KSR1: variants seen among roughly 807,000 people sequenced by gnomAD.
KSR1 encodes kinase suppressor of ras 1.
KSR1 carries 35 observed loss-of-function variants against 92.9 expected under a neutral mutation model. The ratio of observed to expected loss-of-function variants is 0.38; its 90% CI spans 0.29 to 0.50. KSR1 has a LOEUF of 0.50. Ranked by LOEUF, KSR1 falls within the 20% of genes least tolerant of loss-of-function variation. KSR1 has a pLI of 0.94. For synonymous variants in KSR1, 467 were observed against 472.6 expected, an observed-to-expected ratio of 0.99 and a Z score of 0.15; for missense variants, 972 against 1,158.5, an observed-to-expected ratio of 0.84 and a Z score of 2.34.
At chr17:27,542,476 C>T (rs1053438505) in intron 1 of KSR1, among the ~76,000 whole-genome samples, 5 of 152,114 alleles carry the variant, frequency 3.3e-5, no homozygotes, top group Admixed American at 6.6e-5. Context: ...AGGGTGACAA[C>T]CTATAATAGG....
intron 6 of KSR1, among the ~76,000 whole-genome samples, chr17:27,590,432 A>T (rs922262651): frequency 6.6e-6 from 1 of 152,210 alleles, no homozygotes; most frequent in Non-Finnish European, 1.5e-5. Context: ...TGCTGCTAAC[A>T]TGCTGCAGGC....
chr17:27,526,425 A>G, intron 1 of KSR1: 1 of 1,547,100 alleles, frequency 6.5e-7, no homozygotes, highest in Non-Finnish European at 8.8e-7. Context: ...ATGAGGAAGC[A>G]GGCCATTCCT....
At chr17:27,477,587 A>G (rs1354885459) in intron 1 of KSR1, among the ~76,000 whole-genome samples, 3 of 152,148 alleles carry the variant, frequency 2.0e-5, no homozygotes, top group Non-Finnish European at 4.4e-5. Context: ...ATCTGTCTAC[A>G]TAGGGAAAAC....
intron 2 of KSR1, among the ~76,000 whole-genome samples, chr17:27,561,091 T>C (rs1325777175): frequency 6.6e-6 from 1 of 152,070 alleles, no homozygotes; most frequent in African/African-American, 2.4e-5. Context: ...AGGCCAGCAT[T>C]GTATAGATGT....
chr17:27,582,577 C>G, intron 3 of KSR1, 69 bp from the exon 4 acceptor site: 5 of 1,404,998 alleles, frequency 3.6e-6, no homozygotes, highest in Non-Finnish European at 4.9e-6. Flanking sequence ...ACATCTCTGG[C>G]CCCTAGCCAT....
chr17:27,493,764 AGGAAATAAT>A (rs1242119079), intron 1 of KSR1, among the ~76,000 whole-genome samples: 6 of 152,168 alleles, frequency 3.9e-5, no homozygotes, highest in Admixed American at 3.9e-4. Context: ...GGCACTGAAA[AGGAAATAAT>A]GGGGTCGTGA....
chr17:27,469,659 C>T (rs1830948380), intron 1 of KSR1, among the ~76,000 whole-genome samples: 1 of 152,182 alleles, frequency 6.6e-6, no homozygotes, highest in South Asian at 2.1e-4. Flanking sequence ...GAGTGCTGGA[C>T]AGTGCCTGGT....
At chr17:27,576,652 G>C (rs1037452783) in intron 2 of KSR1, among the ~76,000 whole-genome samples, 1 of 152,184 alleles carries the variant, frequency 6.6e-6, no homozygotes, top group Non-Finnish European at 1.5e-5. Flanking sequence ...GACAATTCAC[G>C]TCTCCGGTGG....
chr17:27,623,802 G>A lies in KSR1; in HGVS notation c.*410G>A, dbSNP rs767311302. ...CAGAAGGAAGACAAACATGGTAATT[G>A]CAGCTGTTCTTGGGGTAGGGCGGGG... On this transcript the variant is annotated 3_prime_UTR_variant, in exon 21 of 21. Transcript: ENST00000644974. 1.9e-6 allele frequency: 1 copy of A among 540,192 alleles called. No individual in the cohort carries two copies. Among genetic ancestry groups the A allele is most frequent in the Non-Finnish European group, 3.2e-6 (1 of 313,002 alleles). 33.5% of individuals were successfully genotyped at this position (540,192 alleles called of 1,614,324 possible).
intron 4 of KSR1, among the ~76,000 whole-genome samples, chr17:27,585,070 G>A (rs912933007): frequency 2.0e-5 from 3 of 152,190 alleles, no homozygotes; most frequent in Non-Finnish European, 4.4e-5. Flanking sequence ...CCGAGTAGCT[G>A]GGATTACAGG....
chr17:27,507,519 T>C (rs1164857477), intron 1 of KSR1, among the ~76,000 whole-genome samples: 2 of 151,656 alleles, frequency 1.3e-5, no homozygotes, highest in African/African-American at 4.8e-5. Flanking sequence ...ATTTTGGGTA[T>C]GTTTGATTAA....
At chr17:27,542,755 G>A (rs1346466346) in intron 1 of KSR1, among the ~76,000 whole-genome samples, 1 of 152,214 alleles carries the variant, frequency 6.6e-6, no homozygotes, top group Non-Finnish European at 1.5e-5. Context: ...GTTCTATTTA[G>A]TGAGCACTTT....
At chr17:27,526,621 C>G (rs1193195934) in intron 1 of KSR1, 6 of 1,570,444 alleles carry the variant, frequency 3.8e-6, no homozygotes, top group Non-Finnish European at 5.3e-6. Flanking sequence ...ATGTTCAGTC[C>G]TCGTGCATCT....
At chr17:27,560,198 C>T (rs574115542) in intron 2 of KSR1, 5 of 326,826 alleles carry the variant, frequency 1.5e-5, no homozygotes, top group African/African-American at 4.4e-5. Context: ...CCACAAGTTA[C>T]GTCTAAAAGT....
rs892933813 is a variant in KSR1, at chr17:27,623,886, T to C, written c.*494T>C. ...GGCCCAAGACTCCATCAGGGAAATC[T>C]ATCTAGGGCTCTCCCCTTGTCCTTT... On this transcript the variant is annotated 3_prime_UTR_variant, in exon 21 of 21. Coordinates refer to ENST00000644974, the MANE Select transcript of KSR1 (RefSeq NM_001394583.1). 4 of 431,068 alleles carry C rather than the reference T, an allele frequency of 9.3e-6. No individual in the cohort carries two copies. The highest frequency in any genetic ancestry group is 8.3e-5 in the African/African-American group (4 of 48,342). The allele number at this position is 431,068 out of a possible 1,614,324, so 26.7% of individuals were successfully genotyped here. A position where few individuals can be genotyped will look rare whatever the true frequency, so the allele number is the denominator to read the frequency against.
chr17:27,569,549 C>T (rs1448035004), intron 2 of KSR1, among the ~76,000 whole-genome samples: 1 of 152,234 alleles, frequency 6.6e-6, no homozygotes, highest in Non-Finnish European at 1.5e-5. Context: ...TCTAGCCCAG[C>T]ACTATTTTTT....
chr17:27,475,687 G>GAAAAGC (rs2068320569), intron 1 of KSR1, among the ~76,000 whole-genome samples: 1 of 152,178 alleles, frequency 6.6e-6, no homozygotes, highest in South Asian at 2.1e-4. Context: ...GAATGCAATA[G>GAAAAGC]AAAAGCAAAA....
At chr17:27,588,869 G>C (rs571851750) in intron 6 of KSR1, among the ~76,000 whole-genome samples, 50 of 152,338 alleles carry the variant, frequency 3.3e-4, no homozygotes, top group Non-Finnish European at 5.6e-4. Flanking sequence ...CCAGTGCGAT[G>C]TCACATGAGT....
At chr17:27,600,784 C>G (rs1022583499) in intron 10 of KSR1, among the ~76,000 whole-genome samples, 2 of 152,112 alleles carry the variant, frequency 1.3e-5, no homozygotes, top group African/African-American at 2.4e-5. Context: ...ATTTACACCC[C>G]CATTTGACAG....
Sources: gnomAD v4.1 joint callset for allele counts (sites outside exome capture counted in the v4.1 genomes callset) on GRCh38, gnomAD v4.1.1 for gene constraint, MANE v1.5 for transcripts, NCBI Gene and HGNC (gene_info 2026-07-23, HGNC 2026-07-21) for gene names.